Variants in VANGL2 observed in about 807,000 individuals in gnomAD.
The protein encoded by VANGL2 is vang-like protein 2.
VANGL2 carries 14 observed loss-of-function variants against 50.2 expected under a neutral mutation model. That is an observed-to-expected ratio of 0.28 (90% CI 0.18 to 0.44). VANGL2 has a LOEUF of 0.44. VANGL2 is among the 20% of genes least tolerant of loss of function. The pLI is 1.00. For missense variants in VANGL2, 533 were observed against 701.5 expected (o/e 0.76, Z 2.71); for synonymous variants, 295 against 297.2 (o/e 0.99, Z 0.08).
chr1:160,425,297 A>G lies in VANGL2; in HGVS notation c.1485A>G (p.Pro495=). Reference sequence around the variant, plus strand: ...TGGTGGTCAGCACCAAGAAGGTCCCATTCTTCAAACTCTCCGAGGAATTTG... The same window carrying G: ...TGGTGGTCAGCACCAAGAAGGTCCCGTTCTTCAAACTCTCCGAGGAATTTG... ...FSLVVSTKKV[P]FFKLSEEFVD... The change falls in exon 8 of 8, where the codon CCA becomes CCG. Residue 495 remains proline (P), a synonymous_variant. Transcript: ENST00000368061. The G allele has an allele frequency of 2.5e-6, 4 of 1,613,934 alleles. No individual in the cohort carries two copies. The highest frequency in any genetic ancestry group is 3.4e-6 in the Non-Finnish European group (4 of 1,179,982).
chr1:160,419,776 C>T lies in VANGL2; in HGVS notation c.800+167C>T, dbSNP rs1389068199. Among the ~76,000 whole-genome samples, 1 of 151,696 alleles carries T rather than the reference C, an allele frequency of 6.6e-6. No individual in the cohort carries two copies. The highest frequency in any genetic ancestry group is 1.9e-4 in the East Asian group (1 of 5,172). On this transcript the variant is annotated intron_variant, in intron 4 of 7. Coordinates refer to ENST00000368061, the MANE Select transcript of VANGL2 (RefSeq NM_020335.3). The surrounding 1 kb of genome is among the most constrained non-coding windows in gnomAD (Gnocchi z 5.8). ...CCAAGTAGGTTTTCACCAATGTTTG[C>T]TGCTTGATAGGCAGGTTCATGTACA...
chr1:160,420,915 G>A, intron 5 of VANGL2, 137 bp from the exon 6 acceptor site: 2 of 1,328,922 alleles, frequency 1.5e-6, no homozygotes, highest in Admixed American at 4.0e-5. Context: ...GGCCAGGAGG[G>A]TTGGGATTAG....
chr1:160,423,963 C>A, intron 6 of VANGL2, 89 bp from the exon 7 acceptor site: 1 of 1,459,390 alleles, frequency 6.9e-7, no homozygotes, highest in Non-Finnish European at 9.6e-7. Context: ...TGACCTCATT[C>A]AGGCTGCTGG....
At chr1:160,412,632 C>A (rs1378529389) in intron 1 of VANGL2, among the ~76,000 whole-genome samples, 1 of 152,144 alleles carries the variant, frequency 6.6e-6, no homozygotes, top group Non-Finnish European at 1.5e-5. Context: ...ATGTCCCTGT[C>A]CTCTAAGTGT....
At chr1:160,418,930 C>G in intron 3 of VANGL2, 72 bp from the exon 4 acceptor site, 1 of 1,538,472 alleles carries the variant, frequency 6.5e-7, no homozygotes, top group Admixed American at 1.9e-5. Flanking sequence ...CTCACCCTTT[C>G]TCCTGTTTCC....
chr1:160,424,194 C>T lies in VANGL2; in HGVS notation c.1216C>T (p.Leu406Phe). The T allele has an allele frequency of 6.2e-7, 1 of 1,614,198 alleles. No individual in the cohort carries two copies. The highest frequency in any genetic ancestry group is 8.5e-7 in the Non-Finnish European group (1 of 1,180,034). The change falls in exon 7 of 8, where the codon CTT becomes TTT. Residue 406 changes from leucine to phenylalanine, a missense_variant. Coordinates refer to ENST00000368061, the MANE Select transcript of VANGL2 (RefSeq NM_020335.3). Reference protein sequence around the residue: ...ASMARAMQKYLRTTKQQPYHT... With the variant: ...ASMARAMQKYFRTTKQQPYHT... ...CATGGCCCGTGCCATGCAGAAGTAC[C>T]TTCGGACCACCAAGCAGCAGCCCTA...
chr1:160,422,599 G>A (rs1320326737), intron 6 of VANGL2, among the ~76,000 whole-genome samples: 2 of 152,168 alleles, frequency 1.3e-5, no homozygotes. Flanking sequence ...TTCTTTCTTT[G>A]TCCTGTCACT....
intron 3 of VANGL2, 118 bp downstream of exon 3, chr1:160,416,300 G>T (rs755729199): frequency 8.4e-6 from 13 of 1,548,848 alleles, no homozygotes; most frequent in Non-Finnish European, 1.2e-5. Context: ...CCATCAGATC[G>T]GGGAGTGTGT....
chr1:160,424,167 T>A lies in VANGL2; in HGVS notation c.1189T>A (p.Ser397Thr), dbSNP rs930962646. ...GGAGGCAGCCCAAGCCATCTTTGCA[T>A]CCATGGCCCGTGCCATGCAGAAGTA... The part of the protein sequence containing the change: ...PREAAQAIFA[S>T]MARAMQKYLR... The change falls in exon 7 of 8, where the codon TCC becomes ACC. Residue 397 changes from serine to threonine, a missense_variant. Ser to Thr is a moderately conservative substitution (Grantham distance 58). Transcript: ENST00000368061. 1 of 1,614,072 alleles carries A rather than the reference T, an allele frequency of 6.2e-7. No homozygotes were observed. Among genetic ancestry groups the A allele is most frequent in the Non-Finnish European group, 8.5e-7 (1 of 1,180,038 alleles).
At position 160,425,355 on chromosome 1, in the gene VANGL2, C is replaced by T. The variant is rs146242745; in HGVS notation, c.1543C>T (p.Leu515=). Residue 515 remains leucine, a synonymous_variant, in exon 8 of 8, where the codon CTG becomes TTG. Coordinates refer to ENST00000368061, the MANE Select transcript of VANGL2 (RefSeq NM_020335.3). ...CAAGTCACACAAGTTTGTCATGAGG[C>T]TGCAGTCTGAGACCTCAGTGTGACT... ...DPKSHKFVMR[L]QSETSV is the part of the protein sequence containing the mutation. The T allele has an allele frequency of 1.3e-6, 2 of 1,599,568 alleles. No homozygotes were observed. Among genetic ancestry groups the T allele is most frequent in the Non-Finnish European group, 1.7e-6 (2 of 1,175,560 alleles).
At chr1:160,417,670 G>C (rs1425648874) in intron 3 of VANGL2, among the ~76,000 whole-genome samples, 1 of 152,210 alleles carries the variant, frequency 6.6e-6, no homozygotes. Context: ...GGCTCTCCAT[G>C]CCTGGAGAAC....
At chr1:160,411,768 G>C (rs1650889076) in intron 1 of VANGL2, among the ~76,000 whole-genome samples, 1 of 152,128 alleles carries the variant, frequency 6.6e-6, no homozygotes, top group South Asian at 2.1e-4. Flanking sequence ...AACAAAAGGG[G>C]ACTGGTACCC....
At chr1:160,413,156 T>C (rs1280799950) in intron 1 of VANGL2, among the ~76,000 whole-genome samples, 3 of 152,242 alleles carry the variant, frequency 2.0e-5, no homozygotes. Flanking sequence ...TGGTATCAGT[T>C]CCTTGCTCTG....
rs143806334 is a variant in VANGL2, at chr1:160,420,918, G to A, written c.938-134G>A. The A allele has an allele frequency of 4.6e-5, 62 of 1,344,826 alleles. No homozygotes were observed. In the East Asian group the frequency reaches 1.6e-3, roughly 34 times the overall value. The allele number at this position is 1,344,826 out of a possible 1,614,324, so 83.3% of individuals were successfully genotyped here. A position where few individuals can be genotyped will look rare whatever the true frequency, so the allele number is the denominator to read the frequency against. On this transcript the variant is annotated intron_variant, in intron 5 of 7. Transcript: ENST00000368061. Reference sequence around the variant, plus strand: ...TCTCCCAGAGGTGGCCAGGAGGGTTGGGATTAGGAGGTATTGCTGGGTGGT... The same window carrying A: ...TCTCCCAGAGGTGGCCAGGAGGGTTAGGATTAGGAGGTATTGCTGGGTGGT...
rs144859846 is a variant in VANGL2, at chr1:160,427,914, G to A, written c.*2536G>A. ...AGCAGGCCTTCCTTTTCACCACCTC[G>A]GAACGCTTGCCTTTCCTCCCTCCAC... On this transcript the variant is annotated 3_prime_UTR_variant, in exon 8 of 8. Transcript: ENST00000368061. 13 of 152,820 alleles carry A rather than the reference G, an allele frequency of 8.5e-5. No individual in the cohort carries two copies. The highest frequency in any genetic ancestry group is 2.9e-4 in the African/African-American group (12 of 41,476). The allele number at this position is 152,820 out of a possible 1,614,324, so 9.5% of individuals were successfully genotyped here. A position where few individuals can be genotyped will look rare whatever the true frequency, so the allele number is the denominator to read the frequency against.
intron 1 of VANGL2, among the ~76,000 whole-genome samples, chr1:160,412,823 G>T (rs1452281431): frequency 1.4e-4 from 21 of 152,270 alleles, no homozygotes; most frequent in Non-Finnish European, 2.9e-5. Context: ...GGATGTTTTG[G>T]TCAACGATGG....
At chr1:160,417,721 A>G (rs1651109767) in intron 3 of VANGL2, among the ~76,000 whole-genome samples, 1 of 152,170 alleles carries the variant, frequency 6.6e-6, no homozygotes, top group Non-Finnish European at 1.5e-5. Flanking sequence ...CGTGGCCTGC[A>G]CAAGCCCTGC....
chr1:160,405,734 G>A (rs929355505), intron 1 of VANGL2, among the ~76,000 whole-genome samples: 1 of 152,152 alleles, frequency 6.6e-6, no homozygotes, highest in Non-Finnish European at 1.5e-5. Context: ...AGGAGAGTGG[G>A]AGGTGATTGG....
intron 1 of VANGL2, among the ~76,000 whole-genome samples, chr1:160,406,418 G>A (rs1427724905): frequency 6.6e-6 from 1 of 152,214 alleles, no homozygotes; most frequent in Non-Finnish European, 1.5e-5. Context: ...TCTCCAGGAG[G>A]AGCACCTTGG....
Sources: gnomAD v4.1 joint callset for allele counts (sites outside exome capture counted in the v4.1 genomes callset) on GRCh38, gnomAD v4.1.1 for gene constraint, Gnocchi (gnomAD v3.1) non-coding constraint, MANE v1.5 for transcripts, NCBI Gene and HGNC (gene_info 2026-07-23, HGNC 2026-07-21) for gene names.